Variants in LMO7 observed in about 807,000 individuals in gnomAD.
LMO7 encodes the protein LIM domain only protein 7.
Under a neutral mutation model 206.5 loss-of-function variants are expected in LMO7, and 120 were observed. The observed-to-expected ratio is 0.58, with a 90% CI of 0.50 to 0.68. LMO7 has a LOEUF of 0.68. LMO7 is among the 30% of genes least tolerant of loss of function. The pLI, the probability that LMO7 is intolerant of heterozygous loss-of-function variation, is 0.00. For synonymous variants in LMO7, 706 were observed against 681.5 expected, an observed-to-expected ratio of 1.04 and a Z score of -0.56; for missense variants, 1,959 against 1,957.9, an observed-to-expected ratio of 1.00 and a Z score of -0.01.
At chr13:75,663,469 C>T (rs1054768325) in intron 1 of LMO7, among the ~76,000 whole-genome samples, 39 of 123,944 alleles carry the variant, frequency 3.1e-4, no homozygotes, top group East Asian at 1.1e-3. Context: ...CTCGCTCTGT[C>T]GCCCAGGCTG....
chr13:75,699,451 A>G (rs1049138651), intron 1 of LMO7, among the ~76,000 whole-genome samples: 7 of 151,186 alleles, frequency 4.6e-5, no homozygotes, highest in African/African-American at 9.7e-5. Context: ...CCAGCCCCCA[A>G]TATTTCAATG....
chr13:75,676,515 C>G (rs1345962850), intron 1 of LMO7, among the ~76,000 whole-genome samples: 1 of 152,120 alleles, frequency 6.6e-6, no homozygotes, highest in Admixed American at 6.5e-5. Flanking sequence ...GGGTGGAGAG[C>G]AAGAATTTGT....
intron 2 of LMO7, among the ~76,000 whole-genome samples, chr13:75,630,379 G>T (rs988320599): frequency 5.3e-5 from 8 of 152,144 alleles, no homozygotes; most frequent in African/African-American, 7.2e-5. Flanking sequence ...CTTGGAAATA[G>T]CCACTGTTGG....
At chr13:75,652,040 C>T (rs1263531573) in intron 1 of LMO7, among the ~76,000 whole-genome samples, 1 of 152,102 alleles carries the variant, frequency 6.6e-6, no homozygotes, top group East Asian at 1.9e-4. Flanking sequence ...ATTGTATCTG[C>T]CACATTTACT....
At chr13:75,669,380 C>T (rs756157515) in intron 1 of LMO7, among the ~76,000 whole-genome samples, 14 of 152,078 alleles carry the variant, frequency 9.2e-5, no homozygotes, top group Non-Finnish European at 2.1e-4. Flanking sequence ...ACCCCCCCGC[C>T]GCCCCGCCAA....
At chr13:75,632,490 C>A (rs370637277), upstream of LMO7, among the ~76,000 whole-genome samples, 38 of 152,354 alleles carry the variant, frequency 2.5e-4, 1 homozygote, top group African/African-American at 8.7e-4. Flanking sequence ...CTATGCTAAG[C>A]AATGCCTTGG....
At chr13:75,760,316 A>T in intron 3 of LMO7, 1 of 981,190 alleles carries the variant, frequency 1.0e-6, no homozygotes, top group Non-Finnish European at 1.2e-6. Flanking sequence ...GGAGTGAGTA[A>T]TGTGCCACAC....
In LMO7 at chr13:75,651,372, T is replaced by G. The variant is rs1272632029; in HGVS notation, c.69+14646T>G. 6.7e-5 allele frequency among the ~76,000 whole-genome samples: 10 copies of G among 149,918 alleles called. No individual in the cohort carries two copies. In the Admixed American group the frequency reaches 6.7e-4, roughly 10 times the overall value. ...TCACCCAGACTGGAGTGCAGTGCCA[T>G]GATCTCAGCTCACTGTGACTTCCGC... On this transcript the variant is annotated intron_variant, in intron 1 of 30. Coordinates refer to ENST00000377534, the MANE Select transcript of LMO7 (RefSeq NM_001306080.2).
At chr13:75,667,684 A>T (rs962854194) in intron 1 of LMO7, among the ~76,000 whole-genome samples, 20 of 151,984 alleles carry the variant, frequency 1.3e-4, no homozygotes, top group African/African-American at 4.4e-4. Context: ...TTTCCTTTCC[A>T]TACCTAGATA....
At chr13:75,803,213 C>T (rs642894) in intron 7 of LMO7, among the ~76,000 whole-genome samples, 2,136 of 152,290 alleles carry the variant, frequency 0.014, 60 homozygotes, top group African/African-American at 0.049. Flanking sequence ...GTCCCTGTCT[C>T]ATAGCTGTAT....
At chr13:75,759,221 A>G (rs528311976) in intron 3 of LMO7, among the ~76,000 whole-genome samples, 1 of 152,252 alleles carries the variant, frequency 6.6e-6, no homozygotes, top group Non-Finnish European at 1.5e-5. Context: ...CAGGGATTAC[A>G]GGTCCTTCAT....
chr13:75,761,089 C>T (rs896443898), intron 4 of LMO7, 51 bp downstream of exon 4: 2 of 1,152,178 alleles, frequency 1.7e-6, no homozygotes, highest in South Asian at 1.6e-5. Flanking sequence ...AAACTTAGGG[C>T]TTGTAGCTTA....
intron 15 of LMO7, among the ~76,000 whole-genome samples, chr13:75,829,897 A>G (rs1273035142): frequency 6.6e-6 from 1 of 152,072 alleles, no homozygotes; most frequent in Non-Finnish European, 1.5e-5. Context: ...CTCAAGTTAT[A>G]CCTAATTTGA....
At chr13:75,824,823 G>A (rs943269350) in intron 15 of LMO7, among the ~76,000 whole-genome samples, 1 of 151,704 alleles carries the variant, frequency 6.6e-6, no homozygotes, top group Non-Finnish European at 1.5e-5. Flanking sequence ...ATTAGAGTGT[G>A]TGTGTGTATA....
At chr13:75,847,648 C>T (rs2060107276) in intron 26 of LMO7, among the ~76,000 whole-genome samples, 1 of 152,164 alleles carries the variant, frequency 6.6e-6, no homozygotes, top group Non-Finnish European at 1.5e-5. Flanking sequence ...AGAGTTGTTA[C>T]AGCAAGCATT....
At chr13:75,769,565 G>A (rs2049359629) in intron 4 of LMO7, among the ~76,000 whole-genome samples, 1 of 152,030 alleles carries the variant, frequency 6.6e-6, no homozygotes, top group African/African-American at 2.4e-5. Flanking sequence ...TTTTTATAGT[G>A]TAATAAAATC....
intron 6 of LMO7, among the ~76,000 whole-genome samples, chr13:75,797,950 G>A (rs1201708434): frequency 1.3e-5 from 2 of 152,224 alleles, no homozygotes; most frequent in Non-Finnish European, 2.9e-5. Flanking sequence ...AATTGTCTAA[G>A]ATAGGTGAGC....
At chr13:75,818,225 T>G (rs1055598579) in intron 12 of LMO7, among the ~76,000 whole-genome samples, 6 of 152,190 alleles carry the variant, frequency 3.9e-5, no homozygotes, top group Non-Finnish European at 8.8e-5. Flanking sequence ...TCTATTAGGT[T>G]AAATCAGATA....
At chr13:75,835,180 A>G (rs2059021563) in intron 17 of LMO7, 53 bp from the exon 18 acceptor site, 3 of 1,604,266 alleles carry the variant, frequency 1.9e-6, no homozygotes, top group African/African-American at 1.3e-5. Flanking sequence ...CTTCCCTGCC[A>G]TTTATACGGC....
Sources: allele counts gnomAD v4.1 joint callset (sites outside exome capture counted in the v4.1 genomes callset), GRCh38; gene constraint gnomAD v4.1.1; transcripts MANE v1.5; gene names NCBI Gene and HGNC (gene_info 2026-07-23, HGNC 2026-07-21).